Variants in KIAA1958 observed in about 807,000 individuals in gnomAD.
KIAA1958 encodes KIAA1958, also known as uncharacterized protein KIAA1958.
KIAA1958 carries 14 observed loss-of-function variants against 47.2 expected under a neutral mutation model. The ratio of observed to expected loss-of-function variants is 0.30; its 90% CI spans 0.20 to 0.46. The LOEUF (loss-of-function observed/expected upper bound fraction) is 0.46. KIAA1958 is among the 20% of genes least tolerant of loss of function. KIAA1958 has a pLI of 1.00. For missense variants in KIAA1958, 803 were observed against 909.2 expected, an observed-to-expected ratio of 0.88 and a Z score of 1.50; for synonymous variants, 354 against 353.3, an observed-to-expected ratio of 1.00 and a Z score of -0.02.
At chr9:112,499,247 C>G (rs1834094944) in intron 1 of KIAA1958, among the ~76,000 whole-genome samples, 1 of 152,166 alleles carries the variant, frequency 6.6e-6, no homozygotes, top group Admixed American at 6.5e-5. Context: ...CTTTGATACA[C>G]TGGTTTTCTT....
At chr9:112,609,863 A>G (rs1384828980) in intron 2 of KIAA1958, among the ~76,000 whole-genome samples, 1 of 152,130 alleles carries the variant, frequency 6.6e-6, no homozygotes, top group Non-Finnish European at 1.5e-5. Flanking sequence ...GAAAACCCAT[A>G]TATTAAATGA....
At chr9:112,593,913 G>A (rs141875470) in intron 2 of KIAA1958, among the ~76,000 whole-genome samples, 1,738 of 151,874 alleles carry the variant, frequency 0.011, 35 homozygotes, top group African/African-American at 0.039. Flanking sequence ...CACCCAGGCT[G>A]GAGTCCAGTG....
chr9:112,556,397 C>T (rs1370632120), intron 1 of KIAA1958, among the ~76,000 whole-genome samples: 1 of 152,214 alleles, frequency 6.6e-6, no homozygotes, highest in Non-Finnish European at 1.5e-5. Flanking sequence ...TACACATGCC[C>T]TTTCATATTC....
chr9:112,568,381 A>G (rs955025791), intron 1 of KIAA1958, among the ~76,000 whole-genome samples: 4 of 152,234 alleles, frequency 2.6e-5, no homozygotes, highest in Non-Finnish European at 5.9e-5. Context: ...TATGAAAAGG[A>G]TATCTCTTCA....
intron 1 of KIAA1958, among the ~76,000 whole-genome samples, chr9:112,522,251 G>A (rs1054070552): frequency 5.3e-5 from 8 of 152,196 alleles, no homozygotes; most frequent in Non-Finnish European, 1.0e-4. Context: ...GATTATAGGC[G>A]TGAGCCACCG....
chr9:112,590,347 C>T (rs1835898410), intron 2 of KIAA1958, among the ~76,000 whole-genome samples: 1 of 149,118 alleles, frequency 6.7e-6, no homozygotes, highest in South Asian at 2.1e-4. Flanking sequence ...TCCAGACACC[C>T]TTCTTTTTTT....
At chr9:112,569,666 G>A (rs1009272606) in intron 1 of KIAA1958, among the ~76,000 whole-genome samples, 4 of 151,038 alleles carry the variant, frequency 2.6e-5, no homozygotes, top group Non-Finnish European at 5.9e-5. Context: ...TGTCACCCAG[G>A]CTGGTGTGCA....
At chr9:112,636,537 C>T (rs1836807051) in intron 2 of KIAA1958, among the ~76,000 whole-genome samples, 1 of 152,004 alleles carries the variant, frequency 6.6e-6, no homozygotes, top group Non-Finnish European at 1.5e-5. Context: ...TTTTTGCTTT[C>T]TATATGTCTA....
intron 2 of KIAA1958, among the ~76,000 whole-genome samples, chr9:112,611,090 T>G (rs1836319823): frequency 6.6e-6 from 1 of 152,172 alleles, no homozygotes; most frequent in Non-Finnish European, 1.5e-5. Flanking sequence ...TTGATCCATA[T>G]CAATATATCT....
intron 1 of KIAA1958, among the ~76,000 whole-genome samples, chr9:112,501,490 A>G (rs1834138139): frequency 2.0e-5 from 3 of 152,194 alleles, no homozygotes; most frequent in Non-Finnish European, 2.9e-5. Flanking sequence ...GAACGCTGCC[A>G]AGAGGGCAGC....
intron 1 of KIAA1958, among the ~76,000 whole-genome samples, chr9:112,503,393 C>G (rs1007863048): frequency 1.3e-5 from 2 of 152,022 alleles, no homozygotes; most frequent in African/African-American, 4.8e-5. Context: ...GTGGCTCACT[C>G]CTTTAATCCC....
chr9:112,640,924 A>G (rs1479975477), intron 2 of KIAA1958, among the ~76,000 whole-genome samples: 1 of 152,102 alleles, frequency 6.6e-6, no homozygotes, highest in Non-Finnish European at 1.5e-5. Context: ...TGCTAGATAG[A>G]TTGCAGGTGT....
At chr9:112,560,563 A>G (rs1028169687) in intron 1 of KIAA1958, among the ~76,000 whole-genome samples, 6 of 152,182 alleles carry the variant, frequency 3.9e-5, no homozygotes, top group African/African-American at 1.4e-4. Flanking sequence ...GACCGTAGAA[A>G]TTATATTACA....
chr9:112,622,457 GA>G (rs1053148721), intron 2 of KIAA1958, among the ~76,000 whole-genome samples: 5 of 152,116 alleles, frequency 3.3e-5, no homozygotes, highest in Non-Finnish European at 5.9e-5. Context: ...AGTGACTCTT[GA>G]AAACCATAGA....
In KIAA1958 at chr9:112,618,456, G is replaced by A; in HGVS notation, c.1172-27194G>A. 1 of 1,551,124 alleles carries A rather than the reference G, an allele frequency of 6.4e-7. No individual in the cohort carries two copies. Among genetic ancestry groups the A allele is most frequent in the Non-Finnish European group, 8.7e-7 (1 of 1,147,114 alleles). On this transcript the variant is annotated intron_variant, in intron 2 of 3. Coordinates refer to ENST00000337530, the MANE Select transcript of KIAA1958 (RefSeq NM_133465.4). This position sits in a 1 kb window ranked among gnomAD's most constrained non-coding sequence, Gnocchi z 7.1. ...GGTCTCGAGTACTTGGAGTGGATGGGTCAGGACACTGGAGACTTGAATGCC... is the reference window on the plus strand; with the variant it reads ...GGTCTCGAGTACTTGGAGTGGATGGATCAGGACACTGGAGACTTGAATGCC...
chr9:112,519,927 C>T (rs556502948), intron 1 of KIAA1958, among the ~76,000 whole-genome samples: 1 of 152,264 alleles, frequency 6.6e-6, no homozygotes, highest in African/African-American at 2.4e-5. Context: ...AATACATCAG[C>T]TTGTCTCTTG....
chr9:112,490,847 T>C (rs539400704), intron 1 of KIAA1958, among the ~76,000 whole-genome samples: 70 of 152,328 alleles, frequency 4.6e-4, no homozygotes, highest in African/African-American at 1.7e-3. Context: ...AGAAACATGT[T>C]ATTACACTTG....
chr9:112,553,713 T>C (rs1287009669), intron 1 of KIAA1958, among the ~76,000 whole-genome samples: 2 of 152,204 alleles, frequency 1.3e-5, no homozygotes, highest in African/African-American at 4.8e-5. Flanking sequence ...ATAGGTCAAA[T>C]CTCTGCTTTA....
At chr9:112,655,969 ATG>A (rs923103476) in intron 3 of KIAA1958, among the ~76,000 whole-genome samples, 2 of 152,210 alleles carry the variant, frequency 1.3e-5, no homozygotes, top group African/African-American at 4.8e-5. Flanking sequence ...AATTAAATAA[ATG>A]TGCATGGTGT....
Sources: allele counts gnomAD v4.1 joint callset (sites outside exome capture counted in the v4.1 genomes callset), GRCh38; gene constraint gnomAD v4.1.1; non-coding constraint Gnocchi (gnomAD v3.1); transcripts MANE v1.5; gene names NCBI Gene and HGNC (gene_info 2026-07-23, HGNC 2026-07-21).